The following NRXN1 variants were observed in gnomAD, a reference collection of about 807,000 sequenced individuals.
NRXN1 encodes neurexin 1, also known as neurexin-1.
NRXN1 carries 39 observed loss-of-function variants against 150.9 expected under a neutral mutation model. The ratio of observed to expected loss-of-function variants is 0.26; its 90% CI spans 0.20 to 0.34. NRXN1 has a LOEUF of 0.34. Ranked by LOEUF, NRXN1 falls within the 10% of genes least tolerant of loss-of-function variation. The pLI is 1.00. For synonymous variants in NRXN1, 924 were observed against 757.0 expected (o/e 1.22, Z -3.62); for missense variants, 1,815 against 1,949.9 (o/e 0.93, Z 1.30).
At chr2:50,948,450 C>T (rs768132977) in intron 2 of NRXN1, among the ~76,000 whole-genome samples, 2 of 152,002 alleles carry the variant, frequency 1.3e-5, no homozygotes, top group Non-Finnish European at 2.9e-5. Flanking sequence ...ATATACTGTG[C>T]AAGGAAAGTA....
At chr2:49,929,347 G>A (rs952538700) in intron 22 of NRXN1, among the ~76,000 whole-genome samples, 3 of 152,220 alleles carry the variant, frequency 2.0e-5, no homozygotes, top group African/African-American at 7.2e-5. Flanking sequence ...ATAGGATCAT[G>A]GTATTTACAA....
chr2:50,833,661 A>G (rs1317102165), intron 5 of NRXN1, among the ~76,000 whole-genome samples: 1 of 152,202 alleles, frequency 6.6e-6, no homozygotes, highest in Admixed American at 6.5e-5. Context: ...GAGTATATCT[A>G]CAAAAGGACA....
chr2:50,799,945 G>T (rs564143215), intron 5 of NRXN1, among the ~76,000 whole-genome samples: 1 of 152,090 alleles, frequency 6.6e-6, no homozygotes, highest in East Asian at 1.9e-4. Flanking sequence ...AAACACACAT[G>T]ATAATTTTTT....
chr2:49,936,816 G>GCACACACACACACACACA (rs202032583), intron 22 of NRXN1, among the ~76,000 whole-genome samples: 1 of 149,888 alleles, frequency 6.7e-6, no homozygotes, highest in Admixed American at 6.6e-5. Context: ...AAAAACATAT[G>GCACACACACACACACACA]TACACACACA....
intron 18 of NRXN1, among the ~76,000 whole-genome samples, chr2:50,219,996 ATATAT>A (rs2063753175): frequency 2.5e-5 from 1 of 39,294 alleles, no homozygotes; most frequent in African/African-American, 1.2e-4. Context: ...TATATATAAT[ATATAT>A]TATATAATAT....
chr2:50,117,421 A>T (rs527289059), intron 18 of NRXN1, among the ~76,000 whole-genome samples: 1 of 152,254 alleles, frequency 6.6e-6, no homozygotes, highest in East Asian at 1.9e-4. Flanking sequence ...CTTCTCCTCA[A>T]TCCATAATTT....
intron 2 of NRXN1, among the ~76,000 whole-genome samples, chr2:50,994,248 T>TCA (rs750297786): frequency 2.6e-5 from 4 of 151,772 alleles, no homozygotes; most frequent in South Asian, 2.1e-4. Context: ...ATAAACAATC[T>TCA]CACACACACA....
chr2:49,963,283 T>C (rs1328145437), intron 21 of NRXN1, among the ~76,000 whole-genome samples: 3 of 152,212 alleles, frequency 2.0e-5, no homozygotes, highest in African/African-American at 7.2e-5. Context: ...TACTGCTATG[T>C]ATTGGCTTCA....
intron 5 of NRXN1, among the ~76,000 whole-genome samples, chr2:50,791,296 A>C: frequency 7.4e-6 from 1 of 134,754 alleles, no homozygotes; most frequent in East Asian, 2.3e-4. Context: ...GCTACAGGAG[A>C]TTCCAAACTG....
intron 2 of NRXN1, among the ~76,000 whole-genome samples, chr2:50,984,283 C>T (rs1189068049): frequency 3.3e-5 from 5 of 151,314 alleles, no homozygotes. Flanking sequence ...CCAGAGTGTT[C>T]TCTGTATTAG....
chr2:50,149,056 T>C (rs1324657037), intron 18 of NRXN1, among the ~76,000 whole-genome samples: 1 of 151,768 alleles, frequency 6.6e-6, no homozygotes, highest in East Asian at 1.9e-4. Flanking sequence ...AATAGAGGTC[T>C]TTCAGCAATG....
chr2:50,836,683 A>T (rs922210134), intron 5 of NRXN1, among the ~76,000 whole-genome samples: 3 of 152,070 alleles, frequency 2.0e-5, no homozygotes, highest in Non-Finnish European at 4.4e-5. Context: ...GTATTTCATT[A>T]TGCATATATA....
chr2:50,986,465 A>T (rs1697724655), intron 2 of NRXN1, among the ~76,000 whole-genome samples: 1 of 151,816 alleles, frequency 6.6e-6, no homozygotes, highest in Non-Finnish European at 1.5e-5. Context: ...CAGTAAATAC[A>T]TCATCTTCTA....
intron 18 of NRXN1, among the ~76,000 whole-genome samples, chr2:50,218,371 C>T (rs1037051318): frequency 1.3e-5 from 2 of 151,944 alleles, no homozygotes; most frequent in African/African-American, 4.8e-5. Context: ...AAGAGATCTA[C>T]CAGCTCTTAG....
rs756384160 is a variant in NRXN1, at chr2:51,027,485, C to A, written c.772+17G>T. On this transcript the variant is annotated intron_variant, in intron 2 of 22. Coordinates refer to ENST00000401669, the MANE Select transcript of NRXN1 (RefSeq NM_001330078.2). ...CGCCCAGGCCCCGGCCCCCGTGGGTCGGGCGTCGGGCCTTACCTTGGCTGC... is the reference window on the plus strand; with the variant it reads ...CGCCCAGGCCCCGGCCCCCGTGGGTAGGGCGTCGGGCCTTACCTTGGCTGC... 6.7e-6 allele frequency: 10 copies of A among 1,497,850 alleles called. No individual in the cohort carries two copies. Among genetic ancestry groups the A allele is most frequent in the South Asian group, 5.4e-5 (4 of 73,406 alleles). 92.8% of individuals were successfully genotyped at this position (1,497,850 alleles called of 1,614,324 possible).
intron 2 of NRXN1, chr2:51,026,439 G>T: frequency 6.2e-7 from 1 of 1,604,814 alleles, no homozygotes; most frequent in Non-Finnish European, 8.5e-7. Flanking sequence ...TAACAGCACC[G>T]GCAAAACACA....
chr2:49,941,699 T>G (rs1672003413), intron 22 of NRXN1, among the ~76,000 whole-genome samples: 1 of 152,150 alleles, frequency 6.6e-6, no homozygotes, highest in Non-Finnish European at 1.5e-5. Context: ...GTATTAATAC[T>G]GTGTAAAATA....
intron 8 of NRXN1, among the ~76,000 whole-genome samples, chr2:50,568,784 C>G (rs2105443462): frequency 6.6e-6 from 1 of 152,176 alleles, no homozygotes; most frequent in African/African-American, 2.4e-5. Flanking sequence ...CAGCAACCCA[C>G]TAGTATATAT....
At chr2:50,939,237 A>T (rs1046212353) in intron 2 of NRXN1, among the ~76,000 whole-genome samples, 1 of 147,310 alleles carries the variant, frequency 6.8e-6, no homozygotes, top group Non-Finnish European at 1.5e-5. Flanking sequence ...AAAAAAAAAA[A>T]TTAAATGTAG....
Sources: allele counts gnomAD v4.1 joint callset (sites outside exome capture counted in the v4.1 genomes callset), GRCh38; gene constraint gnomAD v4.1.1; transcripts MANE v1.5; gene names NCBI Gene and HGNC (gene_info 2026-07-23, HGNC 2026-07-21).